SPOCK3: variants seen among roughly 807,000 people sequenced by gnomAD.
SPOCK3 encodes SPARC (osteonectin), cwcv and kazal like domains proteoglycan 3.
Under a neutral mutation model 56.6 loss-of-function variants are expected in SPOCK3, and 30 were observed. The observed-to-expected ratio is 0.53, with a 90% CI of 0.40 to 0.72. SPOCK3 has a LOEUF of 0.72. Ranked by LOEUF, SPOCK3 falls within the 30% of genes least tolerant of loss-of-function variation. The pLI is 0.00. For synonymous variants in SPOCK3, 196 were observed against 183.3 expected, an observed-to-expected ratio of 1.07 and a Z score of -0.56; for missense variants, 527 against 530.0, an observed-to-expected ratio of 0.99 and a Z score of 0.06.
intron 4 of SPOCK3, among the ~76,000 whole-genome samples, chr4:166,930,069 G>T (rs1288268482): frequency 6.6e-6 from 1 of 151,932 alleles, no homozygotes; most frequent in African/African-American, 2.4e-5. Flanking sequence ...TAAACTTTTA[G>T]CTCTCTGACT....
intron 2 of SPOCK3, among the ~76,000 whole-genome samples, chr4:167,211,790 A>G (rs1358351899): frequency 1.3e-5 from 2 of 152,188 alleles, no homozygotes; most frequent in African/African-American, 4.8e-5. Flanking sequence ...AAAAAGGACT[A>G]ATACATGTAC....
intron 2 of SPOCK3, among the ~76,000 whole-genome samples, chr4:167,120,779 C>G (rs895163586): frequency 1.5e-5 from 2 of 135,754 alleles, no homozygotes; most frequent in Non-Finnish European, 3.1e-5. Flanking sequence ...TTTTAAACAT[C>G]AAAAATGGTT....
chr4:167,016,139 T>C (rs184647930), intron 3 of SPOCK3, among the ~76,000 whole-genome samples: 1 of 152,280 alleles, frequency 6.6e-6, no homozygotes, highest in Non-Finnish European at 1.5e-5. Context: ...TGTGGAATTA[T>C]AATATGTGGC....
chr4:166,861,376 T>C (rs1731233100), intron 6 of SPOCK3, among the ~76,000 whole-genome samples: 1 of 152,090 alleles, frequency 6.6e-6, no homozygotes, highest in Non-Finnish European at 1.5e-5. Context: ...TCTCAAAGTC[T>C]CTTACTAGCA....
At chr4:167,071,486 C>A (rs1381194023) in intron 2 of SPOCK3, among the ~76,000 whole-genome samples, 1 of 151,464 alleles carries the variant, frequency 6.6e-6, no homozygotes, top group East Asian at 2.0e-4. Context: ...TGAGAACATG[C>A]GGTGCTTGGT....
chr4:167,232,531 G>A (rs891892260), intron 2 of SPOCK3, among the ~76,000 whole-genome samples: 5 of 151,944 alleles, frequency 3.3e-5, no homozygotes, highest in Non-Finnish European at 5.9e-5. Context: ...TTCAATTTTC[G>A]TTTTTGTTTT....
chr4:166,772,327 A>C (rs965685978), intron 7 of SPOCK3, among the ~76,000 whole-genome samples: 1 of 152,062 alleles, frequency 6.6e-6, no homozygotes, highest in Non-Finnish European at 1.5e-5. Context: ...CACATTCCAT[A>C]TTCATTTTTT....
At chr4:167,061,059 A>G (rs1225186185) in intron 3 of SPOCK3, among the ~76,000 whole-genome samples, 1 of 152,064 alleles carries the variant, frequency 6.6e-6, no homozygotes. Context: ...ATATTAAAGC[A>G]AATCAATCTT....
chr4:167,091,099 A>G (rs1758662721), intron 2 of SPOCK3, among the ~76,000 whole-genome samples: 1 of 152,188 alleles, frequency 6.6e-6, no homozygotes, highest in Admixed American at 6.5e-5. Context: ...CAACAGAAAC[A>G]TCATAGTTTA....
At chr4:167,144,994 T>C (rs924335822) in intron 2 of SPOCK3, among the ~76,000 whole-genome samples, 3 of 151,708 alleles carry the variant, frequency 2.0e-5, no homozygotes, top group Non-Finnish European at 4.4e-5. Flanking sequence ...CCACTCGAAA[T>C]GCTGTTCAGA....
At chr4:167,010,149 G>T (rs1749883624) in intron 3 of SPOCK3, among the ~76,000 whole-genome samples, 1 of 152,104 alleles carries the variant, frequency 6.6e-6, no homozygotes, top group Admixed American at 6.6e-5. Flanking sequence ...CAGACTAAGA[G>T]TGAATTTACG....
chr4:167,222,399 A>C (rs914226205), intron 2 of SPOCK3, among the ~76,000 whole-genome samples: 1 of 151,364 alleles, frequency 6.6e-6, no homozygotes, highest in Non-Finnish European at 1.5e-5. Context: ...ACACTACTGA[A>C]TTATACACTT....
At chr4:166,877,776 G>A (rs1733248735) in intron 6 of SPOCK3, among the ~76,000 whole-genome samples, 1 of 152,048 alleles carries the variant, frequency 6.6e-6, no homozygotes, top group Non-Finnish European at 1.5e-5. Context: ...CATTACAAGT[G>A]ATTTTACATT....
At chr4:166,962,668 T>C (rs540585915) in intron 4 of SPOCK3, among the ~76,000 whole-genome samples, 115 of 152,240 alleles carry the variant, frequency 7.6e-4, no homozygotes, top group African/African-American at 2.7e-3. Context: ...ACTTCAGCAT[T>C]AGAAAACTAC....
rs539886117 is a variant in SPOCK3, at chr4:167,182,701, C to A, written c.189+51284G>T. On this transcript the variant is annotated intron_variant, in intron 2 of 10. Coordinates refer to ENST00000357545, the MANE Select transcript of SPOCK3 (RefSeq NM_001040159.2). ...ATGGCCCGCGCGCCACTATGCCTGG[C>A]CAATTTTTGTATTTTTAGTGGAGAC... Among the ~76,000 whole-genome samples, 11 of 151,926 alleles carry A rather than the reference C, an allele frequency of 7.2e-5. No individual in the cohort carries two copies. In the South Asian group the frequency reaches 2.3e-3, roughly 32 times the overall value.
At chr4:167,003,185 A>G (rs981286308) in intron 3 of SPOCK3, among the ~76,000 whole-genome samples, 2 of 152,200 alleles carry the variant, frequency 1.3e-5, no homozygotes, top group Admixed American at 1.3e-4. Context: ...AAATTGATAT[A>G]CAGTGAAAAT....
intron 2 of SPOCK3, among the ~76,000 whole-genome samples, chr4:167,127,075 G>T (rs1197514377): frequency 3.9e-5 from 6 of 152,170 alleles, no homozygotes; most frequent in Admixed American, 2.6e-4. Flanking sequence ...TGGGTGAGGA[G>T]AATTGATTGA....
chr4:166,798,247 T>A (rs1283987444), intron 6 of SPOCK3, among the ~76,000 whole-genome samples: 1 of 152,222 alleles, frequency 6.6e-6, no homozygotes, highest in African/African-American at 2.4e-5. Context: ...TAAGACAGTA[T>A]GCTGTGTTAA....
intron 2 of SPOCK3, among the ~76,000 whole-genome samples, chr4:167,143,383 C>G (rs1763687159): frequency 6.6e-6 from 1 of 151,906 alleles, no homozygotes; most frequent in Non-Finnish European, 1.5e-5. Flanking sequence ...TGATTTGTCA[C>G]CTATCTCCAA....
Sources: allele counts gnomAD v4.1 joint callset (sites outside exome capture counted in the v4.1 genomes callset), GRCh38; gene constraint gnomAD v4.1.1; transcripts MANE v1.5; gene names NCBI Gene and HGNC (gene_info 2026-07-23, HGNC 2026-07-21).